GALNT13: variants seen among roughly 807,000 people sequenced by gnomAD.
GALNT13 encodes the protein polypeptide N-acetylgalactosaminyltransferase 13.
GALNT13 carries 28 observed loss-of-function variants against 64.2 expected under a neutral mutation model. That is an observed-to-expected ratio of 0.44 (90% CI 0.32 to 0.60). The LOEUF is 0.60. Ranked by LOEUF, GALNT13 falls within the 20% of genes least tolerant of loss-of-function variation. GALNT13 has a pLI of 0.05. For synonymous variants in GALNT13, 214 were observed against 224.6 expected, an observed-to-expected ratio of 0.95 and a Z score of 0.42; for missense variants, 577 against 669.8, an observed-to-expected ratio of 0.86 and a Z score of 1.53.
chr2:153,362,553 C>CGAAAAAAA, the GALNT13 span, among the ~76,000 whole-genome samples: 1 of 80,320 alleles, frequency 1.2e-5, no homozygotes, highest in Non-Finnish European at 2.3e-5. Context: ...AAATGGAGAG[C>CGAAAAAAA]AAAAAAAAAA....
At chr2:153,273,452 T>G in the GALNT13 span, among the ~76,000 whole-genome samples, 2 of 152,184 alleles carry the variant, frequency 1.3e-5, no homozygotes, top group Non-Finnish European at 2.9e-5. Flanking sequence ...TTTAGAATAA[T>G]GCTTCTTACC....
intron 12 of GALNT13, among the ~76,000 whole-genome samples, chr2:154,445,212 G>A (rs370549648): frequency 6.6e-6 from 1 of 151,574 alleles, no homozygotes; most frequent in South Asian, 2.1e-4. Context: ...TTTTTTCATG[G>A]CCATTCATTT....
chr2:153,936,719 A>T lies in GALNT13; in HGVS notation c.-104-7675A>T, dbSNP rs116260149. 6.1e-3 allele frequency among the ~76,000 whole-genome samples: 926 copies of T among 152,132 alleles called. 8 individuals are homozygous for T. The highest frequency in any genetic ancestry group is 0.021 in the African/African-American group (891 of 41,522). ...AGCAGAACAGGGAAGATATCTAATT[A>T]AATTTAATTTTTTTTTTTTTTGAGA... On this transcript the variant is annotated intron_variant, in intron 2 of 12. Transcript: ENST00000392825.
the GALNT13 span, among the ~76,000 whole-genome samples, chr2:153,657,840 A>T: frequency 3.9e-5 from 6 of 152,058 alleles, no homozygotes; most frequent in Non-Finnish European, 8.8e-5. Flanking sequence ...TATCCCTTCC[A>T]TGTGTGTCCT....
intron 10 of GALNT13, among the ~76,000 whole-genome samples, chr2:154,397,258 A>G (rs1559133318): frequency 2.0e-5 from 3 of 151,718 alleles, no homozygotes; most frequent in East Asian, 3.9e-4. Context: ...ACACAGTGAA[A>G]CCCCGTCTCT....
At chr2:153,630,816 T>A in the GALNT13 span, among the ~76,000 whole-genome samples, 182 of 87,148 alleles carry the variant, frequency 2.1e-3, no homozygotes, top group East Asian at 5.7e-3. Context: ...TATTTTTTTT[T>A]TTTTTTTTAT....
chr2:154,282,762 C>T (rs111524558), intron 8 of GALNT13, among the ~76,000 whole-genome samples: 3,992 of 152,162 alleles, frequency 0.026, 86 homozygotes, highest in Non-Finnish European at 0.041. Context: ...TGCTGAATCT[C>T]CCTCTGGCTT....
intron 9 of GALNT13, among the ~76,000 whole-genome samples, chr2:154,382,798 T>TA (rs1698333900): frequency 6.6e-6 from 1 of 151,848 alleles, no homozygotes; most frequent in Non-Finnish European, 1.5e-5. Context: ...TTTTTTTTTT[T>TA]TAAATATAAG....
At chr2:154,032,603 T>C (rs1354057660) in intron 3 of GALNT13, among the ~76,000 whole-genome samples, 1 of 151,920 alleles carries the variant, frequency 6.6e-6, no homozygotes, top group Non-Finnish European at 1.5e-5. Context: ...CCAAAATTGA[T>C]TTAACATTAG....
the GALNT13 span, among the ~76,000 whole-genome samples, chr2:153,641,049 T>A: frequency 6.6e-6 from 1 of 152,094 alleles, no homozygotes; most frequent in East Asian, 1.9e-4. Flanking sequence ...AAAACAGCAA[T>A]GGTTCAAGCA....
At chr2:154,208,420 T>C (rs554581253) in intron 4 of GALNT13, among the ~76,000 whole-genome samples, 9 of 152,276 alleles carry the variant, frequency 5.9e-5, no homozygotes, top group African/African-American at 2.2e-4. Context: ...TGCTAATATG[T>C]AATGTAGTGT....
intron 9 of GALNT13, among the ~76,000 whole-genome samples, chr2:154,325,250 A>C (rs543096557): frequency 1.0e-3 from 158 of 152,248 alleles, no homozygotes; most frequent in African/African-American, 3.6e-3. Flanking sequence ...CTCACAGGAG[A>C]GGAAAATACC....
At chr2:154,055,894 A>G (rs1699870847) in intron 3 of GALNT13, among the ~76,000 whole-genome samples, 1 of 152,148 alleles carries the variant, frequency 6.6e-6, no homozygotes, top group African/African-American at 2.4e-5. Flanking sequence ...TTAGCAGAGT[A>G]TAACTGTCTC....
the GALNT13 span, among the ~76,000 whole-genome samples, chr2:153,218,264 G>A: frequency 6.6e-6 from 1 of 152,122 alleles, no homozygotes; most frequent in African/African-American, 2.4e-5. Context: ...TGGTGTGAAT[G>A]TGGGAGAAAT....
the GALNT13 span, among the ~76,000 whole-genome samples, chr2:153,467,072 C>T: frequency 6.6e-6 from 1 of 151,854 alleles, no homozygotes; most frequent in Non-Finnish European, 1.5e-5. Context: ...CCAACATATT[C>T]GAATAAAACA....
chr2:153,156,136 G>A, the GALNT13 span, among the ~76,000 whole-genome samples: 1 of 152,154 alleles, frequency 6.6e-6, no homozygotes, highest in Non-Finnish European at 1.5e-5. Context: ...ATTTGCCAAG[G>A]AGTGTTTTAC....
At chr2:153,772,387 TG>T in the GALNT13 span, among the ~76,000 whole-genome samples, 1 of 152,198 alleles carries the variant, frequency 6.6e-6, no homozygotes, top group Non-Finnish European at 1.5e-5. Flanking sequence ...TCTCTTGGCC[TG>T]GGTTGCATGG....
At chr2:153,325,010 A>G in the GALNT13 span, among the ~76,000 whole-genome samples, 1 of 152,030 alleles carries the variant, frequency 6.6e-6, no homozygotes, top group Non-Finnish European at 1.5e-5. Flanking sequence ...TGATTTAGGA[A>G]GAAGTCCTTC....
the GALNT13 span, among the ~76,000 whole-genome samples, chr2:153,795,227 C>G: frequency 6.6e-6 from 1 of 152,060 alleles, no homozygotes; most frequent in Non-Finnish European, 1.5e-5. Flanking sequence ...CAAAATAATG[C>G]TTTCACATTA....
Sources: gnomAD v4.1 joint callset for allele counts (sites outside exome capture counted in the v4.1 genomes callset) on GRCh38, gnomAD v4.1.1 for gene constraint, MANE v1.5 for transcripts, NCBI Gene and HGNC (gene_info 2026-07-23, HGNC 2026-07-21) for gene names.